DPYD: variants seen among roughly 807,000 people sequenced by gnomAD.
DPYD encodes the protein dihydropyrimidine dehydrogenase [NADP(+)].
In DPYD, 109 loss-of-function variants were observed where a neutral mutation model predicts 116.2. The ratio of observed to expected loss-of-function variants is 0.94; its 90% CI spans 0.80 to 1.10. The LOEUF (loss-of-function observed/expected upper bound fraction) is 1.10. Ranked by LOEUF, DPYD falls within the 50% of genes least tolerant of loss-of-function variation. DPYD has a pLI of 0.00. For missense variants in DPYD, 1,302 were observed against 1,254.5 expected (o/e 1.04, Z -0.57); for synonymous variants, 440 against 432.0 (o/e 1.02, Z -0.23).
At chr1:97,746,807 G>A (rs905202905) in intron 3 of DPYD, among the ~76,000 whole-genome samples, 5 of 151,902 alleles carry the variant, frequency 3.3e-5, no homozygotes, top group African/African-American at 1.2e-4. Flanking sequence ...ATCTACTGGG[G>A]CTCTCACTTA....
At chr1:97,297,867 C>G (rs1666625844) in intron 18 of DPYD, among the ~76,000 whole-genome samples, 1 of 152,164 alleles carries the variant, frequency 6.6e-6, no homozygotes, top group Non-Finnish European at 1.5e-5. Flanking sequence ...ACACCTGTTT[C>G]CTTTTCAAAG....
At chr1:97,338,820 T>G (rs1167417556) in intron 16 of DPYD, among the ~76,000 whole-genome samples, 2 of 152,102 alleles carry the variant, frequency 1.3e-5, no homozygotes, top group African/African-American at 4.8e-5. Flanking sequence ...TGTTCTTGTG[T>G]GGCAAAATCT....
At chr1:97,102,997 A>G (rs1282850817) in intron 20 of DPYD, among the ~76,000 whole-genome samples, 3 of 152,070 alleles carry the variant, frequency 2.0e-5, no homozygotes, top group Non-Finnish European at 4.4e-5. Flanking sequence ...TTGGATACCT[A>G]AAATAAAAAA....
chr1:97,502,774 G>A (rs540485225), intron 13 of DPYD, among the ~76,000 whole-genome samples: 15 of 152,036 alleles, frequency 9.9e-5, no homozygotes, highest in African/African-American at 3.6e-4. Flanking sequence ...CTGGCATACA[G>A]ATTATGGTAA....
intron 19 of DPYD, among the ~76,000 whole-genome samples, chr1:97,195,904 C>T (rs1156458249): frequency 3.3e-5 from 5 of 151,052 alleles, no homozygotes; most frequent in East Asian, 3.9e-4. Flanking sequence ...ATGTAACACT[C>T]GGCAATATAC....
intron 8 of DPYD, among the ~76,000 whole-genome samples, chr1:97,655,892 T>A (rs1658874585): frequency 1.3e-5 from 2 of 152,174 alleles, no homozygotes; most frequent in Non-Finnish European, 2.9e-5. Flanking sequence ...GAAATCAGGA[T>A]GAAAAGGGTT....
At chr1:97,873,113 T>C (rs1671739361) in intron 2 of DPYD, among the ~76,000 whole-genome samples, 1 of 151,896 alleles carries the variant, frequency 6.6e-6, no homozygotes, top group African/African-American at 2.4e-5. Flanking sequence ...GATCGTGAAA[T>C]GAGGTTAACA....
intron 3 of DPYD, among the ~76,000 whole-genome samples, chr1:97,817,492 C>A (rs1297057140): frequency 6.6e-6 from 1 of 151,752 alleles, no homozygotes; most frequent in African/African-American, 2.4e-5. Context: ...GTCTATCTTC[C>A]AGAAGAGATG....
intron 16 of DPYD, among the ~76,000 whole-genome samples, chr1:97,335,922 T>A (rs561658503): frequency 1.3e-5 from 2 of 152,146 alleles, no homozygotes; most frequent in African/African-American, 4.8e-5. Context: ...TCCCTTTGAC[T>A]CTCATGGGCA....
At chr1:97,113,321 A>G (rs752591583) in intron 20 of DPYD, among the ~76,000 whole-genome samples, 1 of 152,108 alleles carries the variant, frequency 6.6e-6, no homozygotes, top group Non-Finnish European at 1.5e-5. Flanking sequence ...CTTCTTTCTG[A>G]CTTGTGCATT....
At chr1:97,551,525 G>A (rs1259237528) in intron 11 of DPYD, among the ~76,000 whole-genome samples, 1 of 151,910 alleles carries the variant, frequency 6.6e-6, no homozygotes, top group Non-Finnish European at 1.5e-5. Context: ...CCAAAACTTT[G>A]GCCTACAACA....
intron 19 of DPYD, among the ~76,000 whole-genome samples, chr1:97,210,663 T>G (rs1225321157): frequency 3.3e-5 from 5 of 152,296 alleles, no homozygotes; most frequent in Admixed American, 1.3e-4. Flanking sequence ...TACATGCATT[T>G]TCAGGCTTGA....
intron 2 of DPYD, among the ~76,000 whole-genome samples, chr1:97,841,108 T>TA (rs1670014383): frequency 6.6e-6 from 1 of 152,050 alleles, no homozygotes; most frequent in Admixed American, 6.5e-5. Flanking sequence ...ATTCATTTTT[T>TA]AAAAAATGTA....
chr1:97,378,829 T>C (rs909076127), intron 15 of DPYD, among the ~76,000 whole-genome samples: 9 of 152,176 alleles, frequency 5.9e-5, no homozygotes, highest in Non-Finnish European at 1.3e-4. Context: ...GAGGAACTAT[T>C]AGTAGTGGCC....
intron 3 of DPYD, among the ~76,000 whole-genome samples, chr1:97,789,014 G>A (rs1164750678): frequency 6.6e-6 from 1 of 152,088 alleles, no homozygotes; most frequent in Non-Finnish European, 1.5e-5. Flanking sequence ...ACGTTACCCA[G>A]GCTGGTCTCA....
chr1:97,765,100 T>C (rs928013453), intron 3 of DPYD, among the ~76,000 whole-genome samples: 4 of 152,200 alleles, frequency 2.6e-5, no homozygotes, highest in African/African-American at 9.6e-5. Context: ...GGACCAACTC[T>C]TTCTAAAGCT....
intron 19 of DPYD, among the ~76,000 whole-genome samples, chr1:97,212,170 T>G (rs1048315411): frequency 3.3e-5 from 5 of 152,142 alleles, no homozygotes; most frequent in Admixed American, 6.6e-5. Context: ...AACCTGGTTT[T>G]ACGATATTCC....
At chr1:97,351,176 T>G (rs1325276003) in intron 16 of DPYD, among the ~76,000 whole-genome samples, 3 of 152,090 alleles carry the variant, frequency 2.0e-5, no homozygotes, top group Non-Finnish European at 4.4e-5. Context: ...TCCTCCCTCT[T>G]CTCCAAACCG....
chr1:97,547,676 T>TTTG (rs138810296), intron 12 of DPYD, among the ~76,000 whole-genome samples: 44 of 152,132 alleles, frequency 2.9e-4, no homozygotes, highest in East Asian at 2.5e-3. Context: ...CTCTCGTTGT[T>TTTG]TTGTTGTTGT....
Sources: gnomAD v4.1 joint callset for allele counts (sites outside exome capture counted in the v4.1 genomes callset) on GRCh38, gnomAD v4.1.1 for gene constraint, MANE v1.5 for transcripts, NCBI Gene and HGNC (gene_info 2026-07-23, HGNC 2026-07-21) for gene names.